CRIM1: variants seen among roughly 807,000 people sequenced by gnomAD.
CRIM1 encodes cysteine-rich motor neuron 1 protein.
A neutral mutation model predicts 116.4 loss-of-function variants in CRIM1; 32 were observed. That is an observed-to-expected ratio of 0.27 (90% CI 0.21 to 0.37). CRIM1 has a LOEUF of 0.37. CRIM1 is among the 10% of genes least tolerant of loss of function. The pLI is 1.00. For missense variants in CRIM1, 1,331 were observed against 1,354.8 expected, an observed-to-expected ratio of 0.98 and a Z score of 0.28; for synonymous variants, 590 against 509.2, an observed-to-expected ratio of 1.16 and a Z score of -2.13.
intron 11 of CRIM1, among the ~76,000 whole-genome samples, chr2:36,516,223 C>G (rs547054955): frequency 6.6e-6 from 1 of 152,168 alleles, no homozygotes; most frequent in Non-Finnish European, 1.5e-5. Flanking sequence ...CCCCAATTCA[C>G]TCCTAAGAAG....
chr2:36,446,094 G>A (rs1676222650), intron 4 of CRIM1, among the ~76,000 whole-genome samples: 1 of 152,166 alleles, frequency 6.6e-6, no homozygotes, highest in Admixed American at 6.5e-5. Flanking sequence ...TAGCTGTAAA[G>A]AATTACATTC....
At chr2:36,404,021 A>G (rs1672605754) in intron 2 of CRIM1, among the ~76,000 whole-genome samples, 1 of 152,124 alleles carries the variant, frequency 6.6e-6, no homozygotes, top group Admixed American at 6.5e-5. Flanking sequence ...TGTGACAGTA[A>G]TGTGCATAAT....
At chr2:36,482,111 A>G (rs571462828) in intron 7 of CRIM1, among the ~76,000 whole-genome samples, 1 of 152,116 alleles carries the variant, frequency 6.6e-6, no homozygotes, top group Non-Finnish European at 1.5e-5. Flanking sequence ...TTGTCATTTC[A>G]GCGGTAAAGT....
At chr2:36,408,649 C>G (rs751788910) in intron 2 of CRIM1, among the ~76,000 whole-genome samples, 9 of 152,322 alleles carry the variant, frequency 5.9e-5, no homozygotes, top group Middle Eastern at 3.4e-3. Flanking sequence ...AGGCTTGTCT[C>G]CATCAACCAG....
At chr2:36,507,067 A>G (rs1681484285) in intron 8 of CRIM1, among the ~76,000 whole-genome samples, 1 of 152,134 alleles carries the variant, frequency 6.6e-6, no homozygotes, top group Middle Eastern at 3.4e-3. Flanking sequence ...ACTATGTTGC[A>G]CAGGCTGGTC....
At chr2:36,408,192 A>G (rs750129038) in intron 2 of CRIM1, among the ~76,000 whole-genome samples, 17 of 152,238 alleles carry the variant, frequency 1.1e-4, no homozygotes, top group Non-Finnish European at 2.1e-4. Context: ...TGAGCCAGAT[A>G]AATGGTGTTC....
At chr2:36,499,119 T>G in intron 7 of CRIM1, 100 bp from the exon 8 acceptor site, 1 of 868,778 alleles carries the variant, frequency 1.2e-6, no homozygotes, top group Non-Finnish European at 1.8e-6. Flanking sequence ...ATTACTGATT[T>G]GATTTTTGTA....
At chr2:36,419,631 A>C (rs1046586520) in intron 2 of CRIM1, among the ~76,000 whole-genome samples, 1 of 152,134 alleles carries the variant, frequency 6.6e-6, no homozygotes, top group Non-Finnish European at 1.5e-5. Context: ...TGTGCCTCCT[A>C]GGGGGACTAG....
intron 4 of CRIM1, among the ~76,000 whole-genome samples, chr2:36,444,736 T>C (rs570256972): frequency 6.6e-6 from 1 of 152,328 alleles, no homozygotes; most frequent in African/African-American, 2.4e-5. Flanking sequence ...CATCCCCTGC[T>C]CATTTGTTCG....
chr2:36,371,995 G>T (rs1193206174), intron 1 of CRIM1, among the ~76,000 whole-genome samples: 1 of 152,198 alleles, frequency 6.6e-6, no homozygotes, highest in Non-Finnish European at 1.5e-5. Flanking sequence ...AAACATTTAT[G>T]TTGATTAATC....
chr2:36,382,493 T>TAATA (rs1343689676), intron 1 of CRIM1, among the ~76,000 whole-genome samples: 1 of 16,092 alleles, frequency 6.2e-5, no homozygotes, highest in African/African-American at 1.8e-4. Flanking sequence ...GCAAGGGTGC[T>TAATA]AATAATGTCC....
At chr2:36,474,321 A>G (rs1293431658) in intron 5 of CRIM1, among the ~76,000 whole-genome samples, 1 of 152,070 alleles carries the variant, frequency 6.6e-6, no homozygotes, top group African/African-American at 2.4e-5. Context: ...CCCAAAATTG[A>G]TGAAGTCCAG....
At chr2:36,539,307 C>T (rs1007845672) in intron 14 of CRIM1, among the ~76,000 whole-genome samples, 1 of 152,182 alleles carries the variant, frequency 6.6e-6, no homozygotes, top group South Asian at 2.1e-4. Flanking sequence ...GGAGTGGGAA[C>T]GTGCTGTGCG....
intron 1 of CRIM1, among the ~76,000 whole-genome samples, chr2:36,365,420 A>C (rs937508563): frequency 1.3e-5 from 2 of 152,198 alleles, no homozygotes; most frequent in African/African-American, 4.8e-5. Flanking sequence ...GATATATCTC[A>C]CTGAGGTTAC....
intron 5 of CRIM1, among the ~76,000 whole-genome samples, chr2:36,471,726 AACACACAC>A (rs59120248): frequency 1.3e-5 from 1 of 78,896 alleles, no homozygotes; most frequent in Admixed American, 1.5e-4. Flanking sequence ...GATTAGCTTA[AACACACAC>A]ACACACACAC....
chr2:36,544,130 G>A (rs1035645804), intron 14 of CRIM1, among the ~76,000 whole-genome samples: 6 of 152,144 alleles, frequency 3.9e-5, no homozygotes, highest in Admixed American at 2.6e-4. Context: ...ACGTGAAAAA[G>A]CAGTTTTTGA....
At position 36,442,741 on chromosome 2, in the gene CRIM1, T is replaced by C; in HGVS notation, c.869+6T>C. ...TGCTGTACTTTGCCAACAAGGTTAG[T>C]TTGCCATTAGTTTGTCAAGTTTTCT... On this transcript the variant is annotated splice_donor_region_variant and intron_variant, in intron 4 of 16. Transcript: ENST00000280527. The C allele has an allele frequency of 6.2e-7, 1 of 1,614,174 alleles. No homozygotes were observed. Among genetic ancestry groups the C allele is most frequent in the Non-Finnish European group, 8.5e-7 (1 of 1,180,014 alleles).
At chr2:36,435,124 G>A (rs1675201837) in intron 2 of CRIM1, among the ~76,000 whole-genome samples, 1 of 152,218 alleles carries the variant, frequency 6.6e-6, no homozygotes, top group African/African-American at 2.4e-5. Flanking sequence ...ACTCTAGGCT[G>A]ATACCACGGC....
chr2:36,519,537 A>G (rs1402442706), intron 12 of CRIM1, among the ~76,000 whole-genome samples: 1 of 152,238 alleles, frequency 6.6e-6, no homozygotes, highest in African/African-American at 2.4e-5. Context: ...GTAATTCTCA[A>G]CAGTGGCATT....
Sources: allele counts gnomAD v4.1 joint callset (sites outside exome capture counted in the v4.1 genomes callset), GRCh38; gene constraint gnomAD v4.1.1; transcripts MANE v1.5; gene names NCBI Gene and HGNC (gene_info 2026-07-23, HGNC 2026-07-21).